Variants in PLCL1 observed in about 807,000 individuals in gnomAD.
The protein encoded by PLCL1 is inactive phospholipase C-like protein 1.
In PLCL1, 41 loss-of-function variants were observed where a neutral mutation model predicts 84.4. The observed-to-expected ratio is 0.49, with a 90% CI of 0.38 to 0.63. The LOEUF is 0.63. Among genes scored for constraint, PLCL1 ranks in the 30% least tolerant of loss-of-function variants. The pLI is 0.00. For synonymous variants in PLCL1, 490 were observed against 488.3 expected (o/e 1.00, Z -0.05); for missense variants, 1,206 against 1,367.8 (o/e 0.88, Z 1.87).
intron 1 of PLCL1, among the ~76,000 whole-genome samples, chr2:197,995,204 A>G (rs1198449389): frequency 6.6e-6 from 1 of 152,140 alleles, no homozygotes; most frequent in Non-Finnish European, 1.5e-5. Context: ...CATTTTAGGT[A>G]AAAAGCTTTT....
At chr2:198,012,362 C>T (rs1333944579) in intron 1 of PLCL1, among the ~76,000 whole-genome samples, 1 of 152,056 alleles carries the variant, frequency 6.6e-6, no homozygotes, top group Non-Finnish European at 1.5e-5. Flanking sequence ...CTAATATATC[C>T]TACAGTTATT....
chr2:197,895,901 C>T (rs1445082441), intron 1 of PLCL1, among the ~76,000 whole-genome samples: 1 of 151,902 alleles, frequency 6.6e-6, no homozygotes, highest in East Asian at 1.9e-4. Flanking sequence ...TCCTGTTGAA[C>T]TGATCATCTT....
rs185044176 is a variant in PLCL1, at chr2:198,094,307, C to T, written c.2919+5246C>T. On this transcript the variant is annotated intron_variant, in intron 3 of 5. Transcript: ENST00000428675. ...TGATCTCCTGACCTCGTGATCTGCC[C>T]GCCTTGGCCTCCCAAAGTGCTGGGA... 2.0e-3 allele frequency among the ~76,000 whole-genome samples: 306 copies of T among 152,278 alleles called. 3 individuals carry two copies. The highest frequency in any genetic ancestry group is 6.7e-3 in the African/African-American group (280 of 41,560).
intron 1 of PLCL1, among the ~76,000 whole-genome samples, chr2:197,860,693 T>C (rs1220111270): frequency 1.3e-5 from 2 of 152,212 alleles, no homozygotes; most frequent in Non-Finnish European, 2.9e-5. Context: ...AAGTGTCTGT[T>C]CATGTCCTTT....
At chr2:197,949,521 A>T (rs1689348071) in intron 1 of PLCL1, among the ~76,000 whole-genome samples, 1 of 152,198 alleles carries the variant, frequency 6.6e-6, no homozygotes, top group African/African-American at 2.4e-5. Context: ...ATTTGTGAAA[A>T]TACCTTGATA....
chr2:198,086,069 G>A lies in PLCL1; in HGVS notation c.2552G>A (p.Ser851Asn), dbSNP rs749351301. The part of the protein sequence containing the change: ...LFVHIAITNR[S>N]GGGKAQKRSL... ...GTCCACATAGCAATAACTAATCGAA[G>A]TGGAGGAGGAAAGGCACAGAAGCGC... Residue 851 changes from serine to asparagine, a missense_variant, in exon 2 of 6, where the codon AGT becomes AAT. Coordinates refer to ENST00000428675, the MANE Select transcript of PLCL1 (RefSeq NM_006226.4). The A allele has an allele frequency of 6.2e-7, 1 of 1,614,112 alleles. No individual in the cohort carries two copies. Among genetic ancestry groups the A allele is most frequent in the South Asian group, 1.1e-5 (1 of 91,088 alleles).
intron 1 of PLCL1, among the ~76,000 whole-genome samples, chr2:197,816,813 C>T (rs1213692201): frequency 6.6e-6 from 1 of 152,132 alleles, no homozygotes; most frequent in Non-Finnish European, 1.5e-5. Flanking sequence ...TAGTGCCTTA[C>T]ATGTAGGAGG....
chr2:198,015,729 ATAACGAGGGTGGTCACGGTGGTGG>A (rs1690980785), intron 1 of PLCL1, among the ~76,000 whole-genome samples: 1 of 152,136 alleles, frequency 6.6e-6, no homozygotes, highest in Non-Finnish European at 1.5e-5. Flanking sequence ...ATAGTGTAAG[ATAACGAGGGTGGTCACGGTGGTGG>A]TAACCTACTC....
intron 1 of PLCL1, among the ~76,000 whole-genome samples, chr2:198,030,586 T>C (rs1248180296): frequency 2.0e-5 from 3 of 152,160 alleles, no homozygotes; most frequent in African/African-American, 4.8e-5. Flanking sequence ...ATGATAATCA[T>C]AGTAGTTATC....
At chr2:198,121,404 G>T (rs1174554516) in intron 5 of PLCL1, among the ~76,000 whole-genome samples, 1 of 152,008 alleles carries the variant, frequency 6.6e-6, no homozygotes, top group Non-Finnish European at 1.5e-5. Flanking sequence ...AAATGTTCTG[G>T]AGAGTTTCCC....
chr2:197,921,600 AC>A (rs1688699757), intron 1 of PLCL1, among the ~76,000 whole-genome samples: 1 of 152,214 alleles, frequency 6.6e-6, no homozygotes, highest in Non-Finnish European at 1.5e-5. Context: ...ACTTGGAGAA[AC>A]AAGCATACCT....
chr2:197,939,717 CTTTTTTTT>C (rs869135841), intron 1 of PLCL1, among the ~76,000 whole-genome samples: 8 of 112,186 alleles, frequency 7.1e-5, no homozygotes, highest in Admixed American at 1.9e-4. Context: ...CTTCAACAGA[CTTTTTTTT>C]TTTTTTTTTT....
At chr2:198,005,811 C>T (rs367794581) in intron 1 of PLCL1, among the ~76,000 whole-genome samples, 18 of 152,306 alleles carry the variant, frequency 1.2e-4, no homozygotes, top group Non-Finnish European at 2.2e-4. Context: ...TCACAAAAGG[C>T]GGTGCTGAAA....
intron 1 of PLCL1, among the ~76,000 whole-genome samples, chr2:197,998,017 G>T (rs1574234692): frequency 6.6e-6 from 1 of 152,122 alleles, no homozygotes; most frequent in Non-Finnish European, 1.5e-5. Flanking sequence ...CTCAGAATTT[G>T]ATAAGGCAAA....
At chr2:197,977,479 G>A (rs1690011397) in intron 1 of PLCL1, among the ~76,000 whole-genome samples, 1 of 152,124 alleles carries the variant, frequency 6.6e-6, no homozygotes, top group Non-Finnish European at 1.5e-5. Context: ...GCTCCTACTT[G>A]TGTTTCTCAC....
intron 1 of PLCL1, among the ~76,000 whole-genome samples, chr2:198,009,915 C>G (rs1690826981): frequency 6.6e-6 from 1 of 151,808 alleles, no homozygotes; most frequent in African/African-American, 2.4e-5. Context: ...AAGTTTTTTC[C>G]TAAGTATTTA....
intron 1 of PLCL1, among the ~76,000 whole-genome samples, chr2:197,873,060 A>G (rs1376892515): frequency 2.0e-5 from 3 of 152,158 alleles, no homozygotes; most frequent in African/African-American, 7.2e-5. Flanking sequence ...GATTTACCAC[A>G]CACTATGTTA....
chr2:198,022,894 A>T (rs1691172246), intron 1 of PLCL1, among the ~76,000 whole-genome samples: 1 of 152,208 alleles, frequency 6.6e-6, no homozygotes, highest in South Asian at 2.1e-4. Flanking sequence ...ATTAGAAAAA[A>T]CTACTTTAAA....
At chr2:198,115,933 AATT>A (rs1287905370) in intron 5 of PLCL1, among the ~76,000 whole-genome samples, 3 of 148,156 alleles carry the variant, frequency 2.0e-5, no homozygotes, top group Non-Finnish European at 4.5e-5. Flanking sequence ...TGAAATATAA[AATT>A]ATTAAATATA....
Sources: gnomAD v4.1 joint callset for allele counts (sites outside exome capture counted in the v4.1 genomes callset) on GRCh38, gnomAD v4.1.1 for gene constraint, MANE v1.5 for transcripts, NCBI Gene and HGNC (gene_info 2026-07-23, HGNC 2026-07-21) for gene names.